The following SLC9A9 variants were observed in gnomAD, a reference collection of about 807,000 sequenced individuals.
SLC9A9 encodes sodium/hydrogen exchanger 9.
In SLC9A9, 62 loss-of-function variants were observed where a neutral mutation model predicts 77.8. That is an observed-to-expected ratio of 0.80 (90% CI 0.65 to 0.98). SLC9A9 has a LOEUF of 0.98. Ranked by LOEUF, SLC9A9 falls within the 50% of genes least tolerant of loss-of-function variation. The probability of loss-of-function intolerance (pLI) is 0.00; values close to 1 mark genes in which losing one functional copy is unlikely to be tolerated. For synonymous variants in SLC9A9, 320 were observed against 283.5 expected, an observed-to-expected ratio of 1.13 and a Z score of -1.29; for missense variants, 775 against 774.9, an observed-to-expected ratio of 1.00 and a Z score of 0.00.
chr3:143,770,844 G>T (rs980063855), intron 4 of SLC9A9, among the ~76,000 whole-genome samples: 1 of 152,006 alleles, frequency 6.6e-6, no homozygotes, highest in Non-Finnish European at 1.5e-5. Context: ...AATAGGTAAA[G>T]CACAAAAAGA....
intron 1 of SLC9A9, among the ~76,000 whole-genome samples, chr3:143,844,741 CTTTCT>C (rs1475681395): frequency 7.0e-6 from 1 of 143,836 alleles, no homozygotes; most frequent in East Asian, 2.0e-4. Context: ...TTCTTTCTTT[CTTTCT>C]TTCTTTCTTT....
intron 12 of SLC9A9, among the ~76,000 whole-genome samples, chr3:143,413,450 C>T (rs1202156253): frequency 6.6e-6 from 1 of 152,170 alleles, no homozygotes; most frequent in African/African-American, 2.4e-5. Context: ...TTCCCGATTA[C>T]AGACTCCCAC....
intron 14 of SLC9A9, among the ~76,000 whole-genome samples, chr3:143,321,818 C>G (rs1032716428): frequency 6.6e-6 from 1 of 152,188 alleles, no homozygotes; most frequent in Non-Finnish European, 1.5e-5. Context: ...TCTATTCACT[C>G]TAGAGTAGTG....
intron 14 of SLC9A9, among the ~76,000 whole-genome samples, chr3:143,334,011 A>G (rs2031852689): frequency 6.6e-6 from 1 of 152,186 alleles, no homozygotes; most frequent in Non-Finnish European, 1.5e-5. Context: ...GCTTTTATTA[A>G]TTTTGTATTT....
chr3:143,723,881 T>G (rs1934568400), intron 4 of SLC9A9, among the ~76,000 whole-genome samples: 1 of 152,186 alleles, frequency 6.6e-6, no homozygotes, highest in African/African-American at 2.4e-5. Flanking sequence ...ATTAACAAGA[T>G]TCCCAGGTGA....
chr3:143,511,063 G>A (rs2036108043), intron 9 of SLC9A9, among the ~76,000 whole-genome samples: 1 of 152,192 alleles, frequency 6.6e-6, no homozygotes, highest in African/African-American at 2.4e-5. Context: ...CAGAGAATTT[G>A]GGGGTGCAGA....
intron 4 of SLC9A9, among the ~76,000 whole-genome samples, chr3:143,701,492 G>C (rs367856876): frequency 3.3e-5 from 5 of 152,120 alleles, no homozygotes; most frequent in African/African-American, 1.2e-4. Flanking sequence ...TAGAAATTCT[G>C]GAGTTGAAAA....
In SLC9A9 at chr3:143,266,125, C is replaced by T; in HGVS notation, c.*577G>A. 2 of 702,158 alleles carry T rather than the reference C, an allele frequency of 2.8e-6. No individual in the cohort carries two copies. Among genetic ancestry groups the T allele is most frequent in the Admixed American group, 2.0e-5 (1 of 50,004 alleles). 43.5% of individuals were successfully genotyped at this position (702,158 alleles called of 1,614,324 possible). A position where few individuals can be genotyped will look rare whatever the true frequency, so the allele number is the denominator to read the frequency against. On this transcript the variant is annotated 3_prime_UTR_variant, in exon 16 of 16. Transcript: ENST00000316549. Reference sequence around the variant, plus strand: ...ATGCCAAGAAGAACAATAGGTTCTTCAACTCAGTGTGGGCTCTGGGAAACC... The same window carrying T: ...ATGCCAAGAAGAACAATAGGTTCTTTAACTCAGTGTGGGCTCTGGGAAACC...
At chr3:143,545,393 A>T (rs565409039) in intron 9 of SLC9A9, among the ~76,000 whole-genome samples, 27 of 152,208 alleles carry the variant, frequency 1.8e-4, no homozygotes, top group African/African-American at 5.8e-4. Flanking sequence ...GCATGCATGC[A>T]TATGCATATG....
At chr3:143,760,131 TA>T (rs1242152228) in intron 4 of SLC9A9, among the ~76,000 whole-genome samples, 1 of 152,130 alleles carries the variant, frequency 6.6e-6, no homozygotes, top group Non-Finnish European at 1.5e-5. Flanking sequence ...TGGAAATGGT[TA>T]AAAAAATAAT....
At position 143,667,368 on chromosome 3, in the gene SLC9A9, C is replaced by T. The variant is rs190687751; in HGVS notation, c.650-15008G>A. Among the ~76,000 whole-genome samples the T allele has an allele frequency of 3.9e-5, 6 of 152,190 alleles. No homozygotes were observed. In the South Asian group the frequency reaches 1.3e-3, roughly 32 times the overall value. On this transcript the variant is annotated intron_variant, in intron 5 of 15. Coordinates refer to ENST00000316549, the MANE Select transcript of SLC9A9 (RefSeq NM_173653.4). ...AAGACTTAAATGTTAGACTTAAAAC[C>T]ATAAAAACCCTCGAAGAAAACCTAG... is the stretch of plus-strand genomic sequence containing the variant.
At chr3:143,595,558 C>A (rs1019160438) in intron 6 of SLC9A9, among the ~76,000 whole-genome samples, 14 of 152,136 alleles carry the variant, frequency 9.2e-5, no homozygotes, top group African/African-American at 3.1e-4. Context: ...CCTCTTGAGT[C>A]TCTCAATTAA....
intron 6 of SLC9A9, among the ~76,000 whole-genome samples, chr3:143,623,210 C>A (rs1270301114): frequency 6.6e-6 from 1 of 152,128 alleles, no homozygotes; most frequent in Non-Finnish European, 1.5e-5. Context: ...ATCAAGGAGA[C>A]AGAAAATTAA....
intron 5 of SLC9A9, among the ~76,000 whole-genome samples, chr3:143,691,939 T>C (rs1490664264): frequency 6.6e-6 from 1 of 152,094 alleles, no homozygotes; most frequent in Admixed American, 6.6e-5. Flanking sequence ...AATCCAATAA[T>C]ATGATGGATC....
intron 12 of SLC9A9, among the ~76,000 whole-genome samples, chr3:143,458,293 C>A (rs1429230222): frequency 6.6e-6 from 1 of 151,926 alleles, no homozygotes; most frequent in Non-Finnish European, 1.5e-5. Context: ...TTTTTTCATT[C>A]TTTTACACTT....
chr3:143,690,983 A>G (rs1933444051), intron 5 of SLC9A9, among the ~76,000 whole-genome samples: 1 of 152,186 alleles, frequency 6.6e-6, no homozygotes, highest in Non-Finnish European at 1.5e-5. Flanking sequence ...TACTAAAGCC[A>G]TTGGATAAAA....
In SLC9A9 at chr3:143,266,856, G is replaced by T; in HGVS notation, c.1784C>A (p.Ala595Asp). 1 of 1,614,156 alleles carries T rather than the reference G, an allele frequency of 6.2e-7. No individual in the cohort carries two copies. The highest frequency in any genetic ancestry group is 8.5e-7 in the Non-Finnish European group (1 of 1,180,028). The change falls in exon 16 of 16, where the codon GCC (alanine) becomes GAC (aspartate). Residue 595 changes from alanine to aspartate, a missense_variant. Transcript: ENST00000316549. The part of the protein sequence containing the change: ...DELAINYQEQ[A>D]SSPCSPPARL... The stretch of plus-strand genomic sequence containing the variant: ...TGCAGGAGGACTGCAGGGTGAGGAG[G>T]CTTGCTCCTGGTAATTTATGGCTAG...
chr3:143,580,858 G>T (rs938013978), intron 6 of SLC9A9, among the ~76,000 whole-genome samples: 2 of 152,152 alleles, frequency 1.3e-5, no homozygotes, highest in African/African-American at 2.4e-5. Flanking sequence ...TGGCCCTAAA[G>T]CTCCACAGAC....
intron 11 of SLC9A9, among the ~76,000 whole-genome samples, chr3:143,469,976 G>C (rs2108571681): frequency 1.3e-5 from 2 of 152,238 alleles, no homozygotes; most frequent in Middle Eastern, 6.8e-3. Context: ...TACCCAGCTG[G>C]GGATAAGAGT....
Sources: allele counts gnomAD v4.1 joint callset (sites outside exome capture counted in the v4.1 genomes callset), GRCh38; gene constraint gnomAD v4.1.1; transcripts MANE v1.5; gene names NCBI Gene and HGNC (gene_info 2026-07-23, HGNC 2026-07-21).